FLRT2: variants seen among roughly 807,000 people sequenced by gnomAD.
FLRT2 encodes the protein fibronectin leucine rich transmembrane protein 2, also known as leucine-rich repeat transmembrane protein FLRT2.
FLRT2 carries 15 observed loss-of-function variants against 40.0 expected under a neutral mutation model. The observed-to-expected ratio is 0.38, with a 90% CI of 0.25 to 0.58. FLRT2 has a LOEUF of 0.58. Among genes scored for constraint, FLRT2 ranks in the 20% least tolerant of loss-of-function variants. FLRT2 has a pLI of 0.71. For synonymous variants in FLRT2, 380 were observed against 336.8 expected, an observed-to-expected ratio of 1.13 and a Z score of -1.41; for missense variants, 726 against 840.0, an observed-to-expected ratio of 0.86 and a Z score of 1.68.
chr14:85,599,979 A>G (rs569960983), intron 1 of FLRT2, among the ~76,000 whole-genome samples: 2 of 152,216 alleles, frequency 1.3e-5, no homozygotes, highest in African/African-American at 4.8e-5. Context: ...GGGCACAATG[A>G]TACCTTCAGA....
chr14:85,605,199 G>C (rs528027012), intron 1 of FLRT2, among the ~76,000 whole-genome samples: 3 of 152,242 alleles, frequency 2.0e-5, no homozygotes, highest in Non-Finnish European at 4.4e-5. Context: ...AGGGAGCCCA[G>C]AGTTTTGTTT....
At chr14:85,550,282 G>T (rs1487940242) in intron 1 of FLRT2, among the ~76,000 whole-genome samples, 4 of 152,090 alleles carry the variant, frequency 2.6e-5, no homozygotes, top group African/African-American at 7.2e-5. Flanking sequence ...TGTTTCTACT[G>T]GTGGAATTCT....
At chr14:85,534,720 C>T (rs1888537766) in intron 1 of FLRT2, among the ~76,000 whole-genome samples, 1 of 151,598 alleles carries the variant, frequency 6.6e-6, no homozygotes, top group African/African-American at 2.4e-5. Context: ...GCCGCGTGTG[C>T]GCATTGAGGC....
intron 1 of FLRT2, among the ~76,000 whole-genome samples, chr14:85,594,745 G>T (rs1434327433): frequency 6.6e-6 from 1 of 152,110 alleles, no homozygotes; most frequent in East Asian, 1.9e-4. Flanking sequence ...CTTGAAAAAT[G>T]CTGGAGTTAG....
rs148500772 is a variant in FLRT2, at chr14:85,578,520, G to A, written c.-376-42619G>A. 6.1e-4 allele frequency among the ~76,000 whole-genome samples: 93 copies of A among 152,118 alleles called. 1 individual carries two copies. The East Asian group carries it at 0.014, about 23-fold the overall frequency. ...AGGACGGATGGCTAAGTGCTGTCTC[G>A]GAGAAGTCAGCTTATAAATCAGAGG... On this transcript the variant is annotated intron_variant, in intron 1 of 1. Transcript: ENST00000330753.
rs1046375450 is a variant in FLRT2, at chr14:85,647,565, T to C, written c.*24068T>C. On this transcript the variant is annotated 3_prime_UTR_variant, in exon 2 of 2. Coordinates refer to ENST00000330753, the MANE Select transcript of FLRT2 (RefSeq NM_013231.6). Reference sequence around the variant, plus strand: ...ACAATGATTCATTTGAACTCTATGATTGCCACTGAATAATTTGGTCTTTCC... The same window carrying C: ...ACAATGATTCATTTGAACTCTATGACTGCCACTGAATAATTTGGTCTTTCC... 6.6e-6 allele frequency: 1 copy of C among 152,194 alleles called. No individual in the cohort carries two copies. Among genetic ancestry groups the C allele is most frequent in the Non-Finnish European group, 1.5e-5 (1 of 68,020 alleles). The allele number at this position is 152,194 out of a possible 1,614,324, so 9.4% of individuals were successfully genotyped here. A position where few individuals can be genotyped will look rare whatever the true frequency, so the allele number is the denominator to read the frequency against.
chr14:85,530,505 C>T lies in FLRT2; in HGVS notation c.-406C>T, dbSNP rs1339206104. 1.3e-5 allele frequency: 2 copies of T among 152,676 alleles called. No individual in the cohort carries two copies. Among genetic ancestry groups the T allele is most frequent in the Non-Finnish European group, 2.9e-5 (2 of 68,090 alleles). 9.5% of individuals were successfully genotyped at this position (152,676 alleles called of 1,614,324 possible). Reference sequence around the variant, plus strand: ...CCTGACCCTGTCGGATTCGGATGAGCCCATTGCAAGGAGAAGACGCAGCCG... The same window carrying T: ...CCTGACCCTGTCGGATTCGGATGAGTCCATTGCAAGGAGAAGACGCAGCCG... On this transcript the variant is annotated 5_prime_UTR_variant, in exon 1 of 2. Coordinates refer to ENST00000330753, the MANE Select transcript of FLRT2 (RefSeq NM_013231.6).
In FLRT2 at chr14:85,622,344, A is replaced by T. The variant is rs1424088124; in HGVS notation, c.830A>T (p.Lys277Met). The T allele has an allele frequency of 6.2e-7, 1 of 1,614,026 alleles. No individual in the cohort carries two copies. Among genetic ancestry groups the T allele is most frequent in the Non-Finnish European group, 8.5e-7 (1 of 1,180,032 alleles). Residue 277 changes from lysine to methionine, a missense_variant, in exon 2 of 2, where the codon AAG becomes ATG. Physicochemically the swap from Lys to Met is moderately conservative, Grantham distance 95 (BLOSUM62 -1). Coordinates refer to ENST00000330753, the MANE Select transcript of FLRT2 (RefSeq NM_013231.6). ...IPLTAFSNLR[K>M]LERLDISNNQ... ...TTGACAGCCTTCTCAAATCTGCGTA[A>T]GCTGGAACGGCTGGATATATCCAAC...
At chr14:85,568,173 G>A (rs1890718176) in intron 1 of FLRT2, among the ~76,000 whole-genome samples, 1 of 151,706 alleles carries the variant, frequency 6.6e-6, no homozygotes, top group Non-Finnish European at 1.5e-5. Flanking sequence ...AGGGAAGTAG[G>A]GGTAGGCATT....
rs1893583284 is a variant in FLRT2 at position 85,624,545 on chromosome 14, T to A, written c.*1048T>A. The A allele has an allele frequency of 6.0e-6, 1 of 167,054 alleles. No individual in the cohort carries two copies. The highest frequency in any genetic ancestry group is 1.5e-5 in the Non-Finnish European group (1 of 68,116). The allele number at this position is 167,054 out of a possible 1,614,324, so 10.3% of individuals were successfully genotyped here. A position where few individuals can be genotyped will look rare whatever the true frequency, so the allele number is the denominator to read the frequency against. On this transcript the variant is annotated 3_prime_UTR_variant, in exon 2 of 2. Coordinates refer to ENST00000330753, the MANE Select transcript of FLRT2 (RefSeq NM_013231.6). ...TTCCTGCTATTTAGACAAAAACAAC[T>A]GATCAGTGGTTCTGTTATGTCAGCT... is the stretch of plus-strand genomic sequence containing the variant.
rs949323581 is a variant in FLRT2, at chr14:85,634,228, GA to G, written c.*10732del. 7 of 152,166 alleles carry G rather than the reference GA, an allele frequency of 4.6e-5. No homozygotes were observed. Among genetic ancestry groups the G allele is most frequent in the African/African-American group, 1.7e-4 (7 of 41,450 alleles). The allele number at this position is 152,166 out of a possible 1,614,324, so 9.4% of individuals were successfully genotyped here. A position where few individuals can be genotyped will look rare whatever the true frequency, so the allele number is the denominator to read the frequency against. On this transcript the variant is annotated 3_prime_UTR_variant, in exon 2 of 2. Transcript: ENST00000330753. ...AAATGCAGAAGTTCAGACATTTGAT[GA>G]GGGGGGAAATATACTTTTTCAGTCC...
chr14:85,540,810 A>G (rs1888944237), intron 1 of FLRT2, among the ~76,000 whole-genome samples: 1 of 152,164 alleles, frequency 6.6e-6, no homozygotes, highest in African/African-American at 2.4e-5. Context: ...AATTACTTGC[A>G]TAGTTCGGCA....
intron 1 of FLRT2, among the ~76,000 whole-genome samples, chr14:85,561,561 G>C (rs1053866165): frequency 3.3e-5 from 5 of 152,176 alleles, no homozygotes; most frequent in African/African-American, 1.2e-4. Context: ...TGTTGGAAAT[G>C]TTCTAGAACA....
Position 85,530,814 on chromosome 14 carries a change from G to C in FLRT2, c.-377+280G>C, listed in dbSNP as rs74068813. On this transcript the variant is annotated intron_variant, in intron 1 of 1. Transcript: ENST00000330753. ...AAAACGCAAATTTTCTTGCCTGGTA[G>C]ATGCATCGATGCTAAATTGGGGTTC... is the stretch of plus-strand genomic sequence containing the variant. Among the ~76,000 whole-genome samples, 741 of 152,226 alleles carry C rather than the reference G, an allele frequency of 4.9e-3. 7 individuals are homozygous for C. The highest frequency in any genetic ancestry group is 0.017 in the African/African-American group (718 of 41,538).
In FLRT2 at chr14:85,636,766, T is replaced by C. The variant is rs1425303454; in HGVS notation, c.*13269T>C. ...CAACATGGTGAAAGCCCGCCTTTAC[T>C]AAAAATACAAAAATTAGCAGGGTAT... On this transcript the variant is annotated 3_prime_UTR_variant, in exon 2 of 2. Transcript: ENST00000330753. 2.0e-5 allele frequency: 3 copies of C among 151,108 alleles called. No individual in the cohort carries two copies. The highest frequency in any genetic ancestry group is 7.3e-5 in the African/African-American group (3 of 41,160). The allele number at this position is 151,108 out of a possible 1,614,324, so 9.4% of individuals were successfully genotyped here.
Position 85,623,309 on chromosome 14 carries a change from A to G in FLRT2, c.1795A>G (p.Ile599Val). 6.6e-7 allele frequency: 1 copy of G among 1,516,916 alleles called. No individual in the cohort carries two copies. Among genetic ancestry groups the G allele is most frequent in the Non-Finnish European group, 8.8e-7 (1 of 1,134,054 alleles). 94.0% of individuals were successfully genotyped at this position (1,516,916 alleles called of 1,614,324 possible). A position where few individuals can be genotyped will look rare whatever the true frequency, so the allele number is the denominator to read the frequency against. ...CEAGTKKDNS[I>V]LEMTETSFQI... ...GGCAGGCACCAAGAAGGACAACTCC[A>G]TCCTGGAGATGACAGAAACCAGTTT... Residue 599 changes from isoleucine to valine, a missense_variant, in exon 2 of 2, where the codon ATC becomes GTC. Ile to Val is a conservative substitution (Grantham distance 29, BLOSUM62 3). Transcript: ENST00000330753.
rs572646428 is a variant in FLRT2 at position 85,627,035 on chromosome 14, G to A, written c.*3538G>A. 7.1e-4 allele frequency: 118 copies of A among 167,136 alleles called. 1 individual carries two copies. The highest frequency in any genetic ancestry group is 2.4e-3 in the African/African-American group (100 of 41,580). 10.4% of individuals were successfully genotyped at this position (167,136 alleles called of 1,614,324 possible). A position where few individuals can be genotyped will look rare whatever the true frequency, so the allele number is the denominator to read the frequency against. Reference sequence around the variant, plus strand: ...GGAATGGATGCTTCACTTGATCTCCGGACCTTGGCTGCAGAGGCCATCGCA... The same window carrying A: ...GGAATGGATGCTTCACTTGATCTCCAGACCTTGGCTGCAGAGGCCATCGCA... On this transcript the variant is annotated 3_prime_UTR_variant, in exon 2 of 2. Transcript: ENST00000330753.
intron 1 of FLRT2, among the ~76,000 whole-genome samples, chr14:85,570,549 T>G (rs1566733547): frequency 6.9e-6 from 1 of 144,606 alleles, no homozygotes; most frequent in Non-Finnish European, 1.5e-5. Flanking sequence ...AAATTCTCCT[T>G]ATTTTTATTT....
In FLRT2 at chr14:85,624,805, T is replaced by C. The variant is rs1652725667; in HGVS notation, c.*1308T>C. 6.0e-6 allele frequency: 1 copy of C among 167,178 alleles called. No homozygotes were observed. Among genetic ancestry groups the C allele is most frequent in the African/African-American group, 2.4e-5 (1 of 41,584 alleles). The allele number at this position is 167,178 out of a possible 1,614,324, so 10.4% of individuals were successfully genotyped here. A position where few individuals can be genotyped will look rare whatever the true frequency, so the allele number is the denominator to read the frequency against. ...GAGTACTAATTTTCACTGCTAATAA[T>C]TCTGTAAGGACACATCAAAGCTGGC... On this transcript the variant is annotated 3_prime_UTR_variant, in exon 2 of 2. Transcript: ENST00000330753.
Sources: allele counts gnomAD v4.1 joint callset (sites outside exome capture counted in the v4.1 genomes callset), GRCh38; gene constraint gnomAD v4.1.1; transcripts MANE v1.5; gene names NCBI Gene and HGNC (gene_info 2026-07-23, HGNC 2026-07-21).